The following PRG4 variants were observed in gnomAD, a reference collection of about 807,000 sequenced individuals.
The protein encoded by PRG4 is articular superficial zone protein.
In PRG4, 61 loss-of-function variants were observed where a neutral mutation model predicts 91.2. The ratio of observed to expected loss-of-function variants is 0.67; its 90% confidence interval spans 0.54 to 0.83. PRG4 has a LOEUF of 0.83. Among genes scored for constraint, PRG4 ranks in the 40% least tolerant of loss-of-function variants. The pLI is 0.00. For missense variants in PRG4, 1,564 were observed against 1,714.2 expected, an observed-to-expected ratio of 0.91 and a Z score of 1.55; for synonymous variants, 576 against 614.2, an observed-to-expected ratio of 0.94 and a Z score of 0.92.
chr1:186,306,826 C>T lies in PRG4; in HGVS notation c.1107C>T (p.Thr369=), dbSNP rs1656619405. ...CCACACCCAAAGAGCCCACACCTACCACCATCAAGTCTGCACCCACCACCC... is the reference window on the plus strand; with the variant it reads ...CCACACCCAAAGAGCCCACACCTACTACCATCAAGTCTGCACCCACCACCC... ...ASTTPKEPTP[T]TIKSAPTTPK... is the part of the protein sequence containing the mutation. The change falls in exon 7 of 13, where the codon ACC becomes ACT. Residue 369 remains threonine, a synonymous_variant. Transcript: ENST00000445192. The T allele has an allele frequency of 1.2e-6, 2 of 1,610,322 alleles. No homozygotes were observed. The highest frequency in any genetic ancestry group is 1.7e-5 in the Admixed American group (1 of 59,694).
Position 186,313,900 on chromosome 1 carries a change from T to A in PRG4, c.*122T>A. On this transcript the variant is annotated 3_prime_UTR_variant, in exon 13 of 13. Transcript: ENST00000445192. ...ACCAGTTTATATATAAAAATGTTTT[T>A]AAACTTGACAATCATTACACTAAAA... The A allele has an allele frequency of 3.2e-6, 5 of 1,557,196 alleles. No homozygotes were observed. The highest frequency in any genetic ancestry group is 4.4e-6 in the Non-Finnish European group (5 of 1,130,382).
Position 186,308,941 on chromosome 1 carries a change from AACC to A in PRG4, c.3230_3232del (p.Thr1077del), listed in dbSNP as rs747922227. Reference sequence around the variant, plus strand: ...CAAGAATAGCAGAAGCCATGCTCCAAACCACCACCAGACCTAACCAAACTCCAA... The same window carrying A: ...CAAGAATAGCAGAAGCCATGCTCCAAACCACCAGACCTAACCAAACTCCAA... On this transcript the variant is annotated inframe_deletion, in exon 7 of 13. Coordinates refer to ENST00000445192, the MANE Select transcript of PRG4 (RefSeq NM_005807.6). 2 of 1,610,982 alleles carry A rather than the reference AACC, an allele frequency of 1.2e-6. No individual in the cohort carries two copies. Among genetic ancestry groups the A allele is most frequent in the Non-Finnish European group, 8.5e-7 (1 of 1,178,846 alleles).
At chr1:186,299,664 C>A (rs762643169) in intron 2 of PRG4, among the ~76,000 whole-genome samples, 7 of 152,100 alleles carry the variant, frequency 4.6e-5, no homozygotes, top group Non-Finnish European at 1.0e-4. Context: ...TTTCAGCTTT[C>A]TTAGCTCTAA....
At chr1:186,301,794 C>G (rs1045063907) in intron 4 of PRG4, 83 bp downstream of exon 4, 2 of 1,508,252 alleles carry the variant, frequency 1.3e-6, no homozygotes, top group East Asian at 2.3e-5. Context: ...ATGTCTAACA[C>G]GCAGTCCATC....
rs117203845 is a variant in PRG4 at position 186,305,627 on chromosome 1, T to G, written c.599-691T>G. 5.0e-4 allele frequency among the ~76,000 whole-genome samples: 76 copies of G among 152,336 alleles called. 1 individual carries two copies. In the East Asian group the frequency reaches 0.014, roughly 27 times the overall value. ...CTCCGAAGCATTCGCTCTAAATAAA[T>G]AGCCAGGCATTTAATCTTTTAGTCA... On this transcript the variant is annotated intron_variant, in intron 6 of 12. Transcript: ENST00000445192.
chr1:186,297,045 T>G (rs920116470), intron 2 of PRG4, 94 bp downstream of exon 2: 1 of 1,148,002 alleles, frequency 8.7e-7, no homozygotes, highest in Non-Finnish European at 1.3e-6. Context: ...TCTAAAAATT[T>G]ATATTTGCTT....
intron 3 of PRG4, among the ~76,000 whole-genome samples, chr1:186,301,238 G>A (rs1023857627): frequency 1.3e-5 from 2 of 152,188 alleles, no homozygotes; most frequent in African/African-American, 4.8e-5. Context: ...AAAGCAGTGT[G>A]TGAAGAGGAG....
In PRG4 at chr1:186,306,674, A is replaced by G. The variant is rs1314194621; in HGVS notation, c.955A>G (p.Lys319Glu). ...ACAAAGTATAGAGAAAACATCTGCT[A>G]AAGATTTAGCACCCACATCTAAAGT... ...ETQSIEKTSA[K>E]DLAPTSKVLA... The change falls in exon 7 of 13, where the codon AAA becomes GAA. Residue 319 changes from lysine to glutamate, a missense_variant. Around this residue, in one of 3 missense-constraint regions of PRG4, gnomAD observed 437 missense variants for 459.0 expected, o/e 0.95. Coordinates refer to ENST00000445192, the MANE Select transcript of PRG4 (RefSeq NM_005807.6). The G allele has an allele frequency of 8.1e-6, 13 of 1,613,760 alleles. No individual in the cohort carries two copies. The South Asian group carries it at 1.3e-4, about 16-fold the overall frequency.
intron 6 of PRG4, 64 bp downstream of exon 6, chr1:186,304,986 A>T (rs1022093209): frequency 6.5e-7 from 1 of 1,537,778 alleles, no homozygotes; most frequent in African/African-American, 1.4e-5. Flanking sequence ...TATATTTAAA[A>T]GTAATGCGTG....
rs1656859943 is a variant in PRG4 at position 186,308,021 on chromosome 1, A to C, written c.2302A>C (p.Thr768Pro). 1.6e-5 allele frequency: 25 copies of C among 1,609,710 alleles called. No homozygotes were observed. The highest frequency in any genetic ancestry group is 2.0e-5 in the Non-Finnish European group (23 of 1,178,938). ...AACTACCCCTAAGGAGCCTGCTCCA[A>C]CTACCCCTAAGGAGCCTGCTCCAAC... is the stretch of plus-strand genomic sequence containing the variant. ...APTTPKEPAP[T>P]TPKEPAPTTP... The change falls in exon 7 of 13, where the codon ACT becomes CCT. Residue 768 changes from threonine to proline, a missense_variant. Around this residue, in one of 3 missense-constraint regions of PRG4, gnomAD observed 1,079 missense variants for 1,162.2 expected, o/e 0.93. Transcript: ENST00000445192.
At chr1:186,300,005 A>G in intron 2 of PRG4, 86 bp from the exon 3 acceptor site, 1 of 1,495,230 alleles carries the variant, frequency 6.7e-7, no homozygotes, top group Non-Finnish European at 9.3e-7. Context: ...ATTCTCTCTC[A>G]CCAAGTGGCT....
chr1:186,301,351 C>T (rs567780656), intron 3 of PRG4, among the ~76,000 whole-genome samples: 1 of 152,244 alleles, frequency 6.6e-6, no homozygotes, highest in Non-Finnish European at 1.5e-5. Context: ...CAGGATGTCT[C>T]TTGGAGTCTG....
Position 186,307,273 on chromosome 1 carries a change from T to G in PRG4, c.1554T>G (p.Thr518=). 1 of 1,230,688 alleles carries G rather than the reference T, an allele frequency of 8.1e-7. No individual in the cohort carries two copies. The highest frequency in any genetic ancestry group is 1.0e-6 in the Non-Finnish European group (1 of 961,874). The allele number at this position is 1,230,688 out of a possible 1,614,324, so 76.2% of individuals were successfully genotyped here. ...CCACCAAGGAGCCTTCACCCACCAC[T>G]CCCAAGGAGCCTGCACCCACCACCA... ...PTTTKEPSPT[T]PKEPAPTTTK... is the part of the protein sequence containing the mutation. Residue 518 remains threonine (T), a synonymous_variant, in exon 7 of 13, where the codon ACT becomes ACG. Coordinates refer to ENST00000445192, the MANE Select transcript of PRG4 (RefSeq NM_005807.6).
rs1263000132 is a variant in PRG4, at chr1:186,301,573, C to G, written c.200-19C>G. 6.2e-7 allele frequency: 1 copy of G among 1,613,662 alleles called. No individual in the cohort carries two copies. Among genetic ancestry groups the G allele is most frequent in the South Asian group, 1.1e-5 (1 of 91,060 alleles). On this transcript the variant is annotated intron_variant, in intron 3 of 12. Coordinates refer to ENST00000445192, the MANE Select transcript of PRG4 (RefSeq NM_005807.6). ...CTTCACAATGAATAATCTGTAACTT[C>G]TTGTTTTGCTCTGGGTAGAGCTTTC... is the stretch of plus-strand genomic sequence containing the variant.
At position 186,314,310 on chromosome 1, in the gene PRG4, A is replaced by G. The variant is rs1657508600; in HGVS notation, c.*532A>G. ...TTTATCGTGTTGTATAAAAAAATTAACAATATAATGGCAATAGGTAGAGAT... is the reference window on the plus strand; with the variant it reads ...TTTATCGTGTTGTATAAAAAAATTAGCAATATAATGGCAATAGGTAGAGAT... On this transcript the variant is annotated 3_prime_UTR_variant, in exon 13 of 13. Coordinates refer to ENST00000445192, the MANE Select transcript of PRG4 (RefSeq NM_005807.6). 2.5e-6 allele frequency: 1 copy of G among 402,504 alleles called. No homozygotes were observed. Among genetic ancestry groups the G allele is most frequent in the African/African-American group, 2.0e-5 (1 of 48,786 alleles). 24.9% of individuals were successfully genotyped at this position (402,504 alleles called of 1,614,324 possible).
chr1:186,304,814 C>G lies in PRG4; in HGVS notation c.490C>G (p.Gln164Glu). Reference sequence around the variant, plus strand: ...TATAGAACATTCTGTTTCTGAAAATCAAGAGTCCTCCTCCTCCTCCTCCTC... The same window carrying G: ...TATAGAACATTCTGTTTCTGAAAATGAAGAGTCCTCCTCCTCCTCCTCCTC... Reference protein sequence around the residue: ...ITEEHSVSENQESSSSSSSSS... With the variant: ...ITEEHSVSENEESSSSSSSSS... The change falls in exon 6 of 13, where the codon CAA becomes GAA. Residue 164 changes from glutamine (Q) to glutamate (E), a missense_variant. Physicochemically the swap from Gln to Glu is conservative, Grantham distance 29. Transcript: ENST00000445192. 1 of 1,611,976 alleles carries G rather than the reference C, an allele frequency of 6.2e-7. No individual in the cohort carries two copies. The highest frequency in any genetic ancestry group is 8.5e-7 in the Non-Finnish European group (1 of 1,178,318).
At chr1:186,304,340 G>A in intron 5 of PRG4, 83 bp downstream of exon 5, 1 of 1,452,404 alleles carries the variant, frequency 6.9e-7, no homozygotes, top group South Asian at 1.2e-5. Context: ...CCCATTCTCA[G>A]AGAACAGGGT....
intron 4 of PRG4, among the ~76,000 whole-genome samples, chr1:186,303,779 A>C (rs926351929): frequency 1.3e-5 from 2 of 152,212 alleles, no homozygotes; most frequent in Non-Finnish European, 2.9e-5. Context: ...TTGAATAAAC[A>C]TCTTAGTTTG....
intron 3 of PRG4, among the ~76,000 whole-genome samples, chr1:186,301,352 T>C (rs1285684656): frequency 6.6e-6 from 1 of 152,192 alleles, no homozygotes; most frequent in Non-Finnish European, 1.5e-5. Flanking sequence ...AGGATGTCTC[T>C]TGGAGTCTGG....
Sources: gnomAD v4.1 joint callset for allele counts (sites outside exome capture counted in the v4.1 genomes callset) on GRCh38, gnomAD v4.1.1 for gene constraint, gnomAD v4.1.1 regional missense constraint, MANE v1.5 for transcripts, NCBI Gene and HGNC (gene_info 2026-07-23, HGNC 2026-07-21) for gene names.